The following DTNBP1 variants were observed in gnomAD, a reference collection of about 807,000 sequenced individuals.
The protein encoded by DTNBP1 is dysbindin.
In DTNBP1, 35 loss-of-function variants were observed where a neutral mutation model predicts 42.8. The observed-to-expected ratio is 0.82, with a 90% confidence interval of 0.63 to 1.09. The LOEUF is 1.09. DTNBP1 is among the 50% of genes least tolerant of loss of function. The pLI, the probability that DTNBP1 is intolerant of heterozygous loss-of-function variation, is 0.00. For synonymous variants in DTNBP1, 171 were observed against 162.2 expected (o/e 1.05, Z -0.41); for missense variants, 457 against 424.2 (o/e 1.08, Z -0.68).
At chr6:15,599,505 G>C (rs1776641804) in intron 6 of DTNBP1, among the ~76,000 whole-genome samples, 1 of 152,154 alleles carries the variant, frequency 6.6e-6, no homozygotes, top group Non-Finnish European at 1.5e-5. Context: ...TACTTAAGTA[G>C]ATCACTAAAT....
At chr6:15,636,720 A>G in intron 4 of DTNBP1, among the ~76,000 whole-genome samples, 1 of 152,182 alleles carries the variant, frequency 6.6e-6, no homozygotes, top group African/African-American at 2.4e-5. Flanking sequence ...CCCCACAGAC[A>G]AAGTCTCCTA....
chr6:15,524,046 G>T, intron 9 of DTNBP1: 1 of 1,295,586 alleles, frequency 7.7e-7, no homozygotes, highest in Non-Finnish European at 1.0e-6. Context: ...TTTGTGAAGG[G>T]ATGAAAGGAA....
At chr6:15,591,622 C>T (rs529007713) in intron 7 of DTNBP1, among the ~76,000 whole-genome samples, 23 of 152,240 alleles carry the variant, frequency 1.5e-4, no homozygotes, top group African/African-American at 5.3e-4. Context: ...TTGAATTATT[C>T]TATCGGGTAA....
chr6:15,659,546 G>A (rs1001693873), intron 1 of DTNBP1, among the ~76,000 whole-genome samples: 1 of 136,630 alleles, frequency 7.3e-6, no homozygotes, highest in East Asian at 2.4e-4. Context: ...TAAGAGATGG[G>A]GTTTCTTTCT....
At chr6:15,557,812 G>A (rs1207603851) in intron 7 of DTNBP1, among the ~76,000 whole-genome samples, 1 of 151,916 alleles carries the variant, frequency 6.6e-6, no homozygotes, top group Non-Finnish European at 1.5e-5. Context: ...TTGTGACCTA[G>A]GATTCTATTT....
In DTNBP1 at chr6:15,553,594, C is replaced by CTTTTTTTTTTT. The variant is rs56173414; in HGVS notation, c.512-20210_512-20200dup. 1.2e-4 allele frequency among the ~76,000 whole-genome samples: 9 copies of CTTTTTTTTTTT among 72,962 alleles called. 1 individual carries two copies. Among genetic ancestry groups the CTTTTTTTTTTT allele is most frequent in the East Asian group, 1.3e-3 (2 of 1,514 alleles). The allele number at this position is 72,962 out of a possible 152,430, so 47.9% of individuals were successfully genotyped here. A position where few individuals can be genotyped will look rare whatever the true frequency, so the allele number is the denominator to read the frequency against. ...CAGTTCAATGCTCTTGACAAGTGAG[C>CTTTTTTTTTTT]TTTTTTTTTTTTGGCCTCAGACAGC... On this transcript the variant is annotated intron_variant, in intron 7 of 9. Coordinates refer to ENST00000344537, the MANE Select transcript of DTNBP1 (RefSeq NM_032122.5).
At chr6:15,637,931 G>T in intron 3 of DTNBP1, 127 bp from the exon 4 acceptor site, 2 of 1,013,492 alleles carry the variant, frequency 2.0e-6, no homozygotes, top group Non-Finnish European at 3.0e-6. Context: ...GGGACATGTT[G>T]CAAGGACACA....
At chr6:15,648,702 A>C (rs1292231000) in intron 3 of DTNBP1, among the ~76,000 whole-genome samples, 1 of 152,068 alleles carries the variant, frequency 6.6e-6, no homozygotes, top group East Asian at 1.9e-4. Flanking sequence ...TCATACAATG[A>C]AAACTACTAA....
At chr6:15,602,173 A>C (rs1408376861) in intron 6 of DTNBP1, among the ~76,000 whole-genome samples, 1 of 152,190 alleles carries the variant, frequency 6.6e-6, no homozygotes, top group Non-Finnish European at 1.5e-5. Flanking sequence ...TTTCTGAGCC[A>C]GAATGAAAGA....
At chr6:15,535,336 A>G (rs908300631) in intron 7 of DTNBP1, among the ~76,000 whole-genome samples, 1 of 151,240 alleles carries the variant, frequency 6.6e-6, no homozygotes, top group Non-Finnish European at 1.5e-5. Flanking sequence ...TTTGAGACAG[A>G]GTCTTACTCT....
chr6:15,587,447 T>C lies in DTNBP1; in HGVS notation c.511+5612A>G, dbSNP rs1455476920. ...AAGACGAAGGACCTTAAATATTAAA[T>C]AGTCAAACCAATTTTAAAAAGTAGT... On this transcript the variant is annotated intron_variant, in intron 7 of 9. Coordinates refer to ENST00000344537, the MANE Select transcript of DTNBP1 (RefSeq NM_032122.5). This position sits in a 1 kb window ranked among gnomAD's most constrained non-coding sequence, Gnocchi z 4.1. Among the ~76,000 whole-genome samples the C allele has an allele frequency of 2.0e-5, 3 of 152,210 alleles. No homozygotes were observed. Among genetic ancestry groups the C allele is most frequent in the Non-Finnish European group, 4.4e-5 (3 of 68,042 alleles).
chr6:15,625,667 G>A (rs1043217916), intron 5 of DTNBP1, among the ~76,000 whole-genome samples: 9 of 152,184 alleles, frequency 5.9e-5, no homozygotes, highest in African/African-American at 2.2e-4. Flanking sequence ...GTGGCAGAAT[G>A]CATTTAATCA....
At chr6:15,642,588 C>T (rs946880261) in intron 3 of DTNBP1, among the ~76,000 whole-genome samples, 1 of 152,122 alleles carries the variant, frequency 6.6e-6, no homozygotes, top group Admixed American at 6.5e-5. Flanking sequence ...ACAAGATGAG[C>T]CCCCTGGGAT....
intron 7 of DTNBP1, among the ~76,000 whole-genome samples, chr6:15,544,266 T>C (rs555609462): frequency 2.4e-4 from 37 of 152,358 alleles, no homozygotes; most frequent in African/African-American, 7.5e-4. Flanking sequence ...CCTTTTATTA[T>C]TGAGTAGAAT....
chr6:15,617,865 T>G (rs770257617), intron 5 of DTNBP1, among the ~76,000 whole-genome samples: 12 of 151,454 alleles, frequency 7.9e-5, no homozygotes, highest in Admixed American at 1.3e-4. Flanking sequence ...AAAGCAAAAA[T>G]AGACAAACTA....
rs561001975 is a variant in DTNBP1 at position 15,595,250 on chromosome 6, CTTTTTTTTTTTT to C, written c.489-2181_489-2170del. The C allele has an allele frequency of 2.9e-4, 89 of 310,378 alleles. 1 individual carries two copies. The highest frequency in any genetic ancestry group is 1.7e-3 in the African/African-American group (42 of 25,384). 19.2% of individuals were successfully genotyped at this position (310,378 alleles called of 1,614,324 possible). On this transcript the variant is annotated intron_variant, in intron 6 of 9. Transcript: ENST00000344537. ...AAAGAAAAAAATCAGTATTATGCAA[CTTTTTTTTTTTT>C]TTTTTTTTTTTTTTTTTTTTGAGAC... is the stretch of plus-strand genomic sequence containing the variant.
At chr6:15,617,371 T>C (rs1758773038) in intron 5 of DTNBP1, among the ~76,000 whole-genome samples, 1 of 151,034 alleles carries the variant, frequency 6.6e-6, no homozygotes, top group Non-Finnish European at 1.5e-5. Context: ...AAAAAAAAAT[T>C]CTAAAACTCA....
intron 4 of DTNBP1, among the ~76,000 whole-genome samples, chr6:15,628,236 G>T (rs192050178): frequency 6.6e-6 from 1 of 152,050 alleles, no homozygotes; most frequent in Non-Finnish European, 1.5e-5. Flanking sequence ...GGAGCAAGAA[G>T]AGGTGATCTT....
chr6:15,573,157 T>G (rs1775412365), intron 7 of DTNBP1, among the ~76,000 whole-genome samples: 1 of 152,138 alleles, frequency 6.6e-6, no homozygotes, highest in Non-Finnish European at 1.5e-5. Flanking sequence ...TATTGTCCAC[T>G]TACTTTTTTT....
Sources: allele counts gnomAD v4.1 joint callset (sites outside exome capture counted in the v4.1 genomes callset), GRCh38; gene constraint gnomAD v4.1.1; non-coding constraint Gnocchi (gnomAD v3.1); transcripts MANE v1.5; gene names NCBI Gene and HGNC (gene_info 2026-07-23, HGNC 2026-07-21).